The following NIBAN1 variants were observed in gnomAD, a reference collection of about 807,000 sequenced individuals.
The protein encoded by NIBAN1 is niban apoptosis regulator 1, also known as protein Niban 1.
In NIBAN1, 81 loss-of-function variants were observed where a neutral mutation model predicts 75.1. That is an observed-to-expected ratio of 1.08 (90% CI 0.90 to 1.30). NIBAN1 has a LOEUF of 1.30. NIBAN1 is among the 50% of genes most tolerant of loss of function. The pLI is 0.00. For missense variants in NIBAN1, 1,133 were observed against 1,128.1 expected (o/e 1.00, Z -0.06); for synonymous variants, 436 against 424.8 (o/e 1.03, Z -0.32).
chr1:184,928,574 C>G (rs945692431), intron 1 of NIBAN1, among the ~76,000 whole-genome samples: 4 of 152,166 alleles, frequency 2.6e-5, no homozygotes, highest in Admixed American at 2.0e-4. Context: ...TGGGTGCCAG[C>G]TGAGTTCTTC....
intron 1 of NIBAN1, among the ~76,000 whole-genome samples, chr1:184,917,501 G>GCA (rs1657424442): frequency 6.6e-6 from 1 of 150,536 alleles, no homozygotes; most frequent in Non-Finnish European, 1.5e-5. Flanking sequence ...GAGCCACCCT[G>GCA]CCCGGCCGGT....
At chr1:184,891,834 T>TA (rs1205761451) in intron 3 of NIBAN1, among the ~76,000 whole-genome samples, 3 of 152,034 alleles carry the variant, frequency 2.0e-5, no homozygotes, top group Non-Finnish European at 2.9e-5. Context: ...TTCCATAAAT[T>TA]AAAAAAAGAA....
intron 1 of NIBAN1, among the ~76,000 whole-genome samples, chr1:184,962,036 T>C (rs1021651613): frequency 3.9e-4 from 60 of 152,192 alleles, no homozygotes; most frequent in African/African-American, 1.4e-3. Context: ...TGAGCTCTTC[T>C]TGAGGAATCT....
At position 184,974,501 on chromosome 1, in the gene NIBAN1, C is replaced by CCCAGAAG; in HGVS notation, c.-146_-145insCTTCTGG. 8.9e-7 allele frequency: 1 copy of CCCAGAAG among 1,127,966 alleles called. No homozygotes were observed. Among genetic ancestry groups the CCCAGAAG allele is most frequent in the Non-Finnish European group, 1.2e-6 (1 of 811,438 alleles). 69.9% of individuals were successfully genotyped at this position (1,127,966 alleles called of 1,614,324 possible). On this transcript the variant is annotated 5_prime_UTR_variant, in exon 1 of 14. Transcript: ENST00000367511. ...GCGAGAGACAGGAGGCAAGAGGCGT[C>CCCAGAAG]GCCTTCTGGGGCGCCTCCTCCAGGT...
intron 8 of NIBAN1, among the ~76,000 whole-genome samples, chr1:184,821,239 G>A (rs891887333): frequency 6.6e-6 from 1 of 152,142 alleles, no homozygotes; most frequent in South Asian, 2.1e-4. Context: ...AAGCTCAGGG[G>A]CTTTACTCCC....
intron 5 of NIBAN1, among the ~76,000 whole-genome samples, 153 bp from the exon 6 acceptor site, chr1:184,832,115 CAAAGTT>C (rs774268190): frequency 6.6e-6 from 1 of 152,172 alleles, no homozygotes; most frequent in Non-Finnish European, 1.5e-5. Flanking sequence ...GTACTGAATT[CAAAGTT>C]AATTTGCAGG....
At chr1:184,844,532 T>C (rs1047153486) in intron 5 of NIBAN1, among the ~76,000 whole-genome samples, 2 of 152,110 alleles carry the variant, frequency 1.3e-5, no homozygotes, top group African/African-American at 4.8e-5. Context: ...TGGTAGAAAA[T>C]GGAAAAAACT....
chr1:184,845,087 T>C lies in NIBAN1; in HGVS notation c.602-13125A>G, dbSNP rs1211222955. Among the ~76,000 whole-genome samples, 5 of 152,360 alleles carry C rather than the reference T, an allele frequency of 3.3e-5. No individual in the cohort carries two copies. In the East Asian group the frequency reaches 9.6e-4, roughly 29 times the overall value. ...TTCTGGGTTATCTGAGCCCACAATG[T>C]GTACCAATTTTGAATAATTGCTTTA... On this transcript the variant is annotated intron_variant, in intron 5 of 13. Coordinates refer to ENST00000367511, the MANE Select transcript of NIBAN1 (RefSeq NM_052966.4).
At chr1:184,896,915 T>G (rs1213476304) in intron 2 of NIBAN1, among the ~76,000 whole-genome samples, 1 of 152,218 alleles carries the variant, frequency 6.6e-6, no homozygotes, top group Non-Finnish European at 1.5e-5. Context: ...TCTATTTTTG[T>G]ACCAGTACCA....
chr1:184,877,442 C>T (rs756996839), intron 5 of NIBAN1, among the ~76,000 whole-genome samples: 3 of 152,050 alleles, frequency 2.0e-5, no homozygotes, highest in Non-Finnish European at 4.4e-5. Flanking sequence ...TCTATACATA[C>T]TTTACAAACA....
At chr1:184,818,947 A>G in intron 8 of NIBAN1, 122 bp from the exon 9 acceptor site, 1 of 1,055,514 alleles carries the variant, frequency 9.5e-7, no homozygotes, top group Non-Finnish European at 1.3e-6. Flanking sequence ...CAAGCTCAAG[A>G]GGCCATGACA....
chr1:184,833,515 C>A (rs1557881521), intron 5 of NIBAN1, among the ~76,000 whole-genome samples: 1 of 151,906 alleles, frequency 6.6e-6, no homozygotes, highest in Non-Finnish European at 1.5e-5. Context: ...CAAGACGAGC[C>A]TGGGCAACAT....
chr1:184,868,956 G>T (rs1656028260), intron 5 of NIBAN1, among the ~76,000 whole-genome samples: 1 of 152,100 alleles, frequency 6.6e-6, no homozygotes, highest in Admixed American at 6.6e-5. Context: ...TACCTCACAG[G>T]ACTGCTGTGA....
chr1:184,797,840 T>C, intron 13 of NIBAN1, among the ~76,000 whole-genome samples: 1 of 152,248 alleles, frequency 6.6e-6, no homozygotes, highest in East Asian at 1.9e-4. Flanking sequence ...GCATTCATAT[T>C]TGTGTATTAA....
chr1:184,934,017 T>C (rs1309544210), intron 1 of NIBAN1, among the ~76,000 whole-genome samples: 1 of 152,122 alleles, frequency 6.6e-6, no homozygotes, highest in Non-Finnish European at 1.5e-5. Context: ...GATCTCAGAA[T>C]GCATATGGGA....
At chr1:184,945,327 C>G (rs1034078706) in intron 1 of NIBAN1, among the ~76,000 whole-genome samples, 2 of 136,552 alleles carry the variant, frequency 1.5e-5, no homozygotes, top group Admixed American at 1.5e-4. Context: ...TAACCACCCT[C>G]CACTCATCCA....
chr1:184,935,803 T>TA (rs1418633383), intron 1 of NIBAN1, among the ~76,000 whole-genome samples: 1 of 150,848 alleles, frequency 6.6e-6, no homozygotes, highest in Non-Finnish European at 1.5e-5. Context: ...TTTTTTTTTT[T>TA]AAGTTTTGAC....
chr1:184,905,234 T>A (rs1023064496), intron 1 of NIBAN1, among the ~76,000 whole-genome samples: 14 of 151,910 alleles, frequency 9.2e-5, no homozygotes, highest in African/African-American at 2.7e-4. Context: ...GTAGCATGAG[T>A]TACAAAAAGG....
Position 184,973,993 on chromosome 1 carries a change from C to T in NIBAN1, c.55+309G>A, listed in dbSNP as rs1025942195. 2.6e-5 allele frequency among the ~76,000 whole-genome samples: 4 copies of T among 152,300 alleles called. No homozygotes were observed. In the East Asian group the frequency reaches 5.8e-4, roughly 22 times the overall value. On this transcript the variant is annotated intron_variant, in intron 1 of 13. Coordinates refer to ENST00000367511, the MANE Select transcript of NIBAN1 (RefSeq NM_052966.4). The stretch of plus-strand genomic sequence containing the variant: ...CTCAGAACTCAGTCCAGGGCAGGTA[C>T]TGGAGGGCGAAGTGCGCCGGGCGGG...
Sources: gnomAD v4.1 joint callset for allele counts (sites outside exome capture counted in the v4.1 genomes callset) on GRCh38, gnomAD v4.1.1 for gene constraint, MANE v1.5 for transcripts, NCBI Gene and HGNC (gene_info 2026-07-23, HGNC 2026-07-21) for gene names.